SPTBN4: variants seen among roughly 807,000 people sequenced by gnomAD.
SPTBN4 encodes spectrin beta, non-erythrocytic 4, also known as spectrin beta chain, non-erythrocytic 4.
SPTBN4 carries 96 observed loss-of-function variants against 277.8 expected under a neutral mutation model. The ratio of observed to expected loss-of-function variants is 0.35; its 90% CI spans 0.29 to 0.41. The LOEUF (loss-of-function observed/expected upper bound fraction) is 0.41. Ranked by LOEUF, SPTBN4 falls within the 10% of genes least tolerant of loss-of-function variation. The pLI, the probability that SPTBN4 is intolerant of heterozygous loss-of-function variation, is 1.00. For synonymous variants in SPTBN4, 1,481 were observed against 1,580.3 expected (o/e 0.94, Z 1.49); for missense variants, 3,006 against 3,595.7 (o/e 0.84, Z 4.19).
intron 31 of SPTBN4, 104 bp from the exon 32 acceptor site, chr19:40,569,553 C>T: frequency 1.7e-6 from 2 of 1,174,474 alleles, no homozygotes; most frequent in South Asian, 1.4e-5. Flanking sequence ...GGGCAGGGGC[C>T]TGGCACTTCC....
intron 24 of SPTBN4, 47 bp from the exon 25 acceptor site, chr19:40,556,037 C>A: frequency 6.4e-7 from 1 of 1,552,104 alleles, no homozygotes; most frequent in South Asian, 1.2e-5. Context: ...ACGCTCTGCC[C>A]CAGAAGTCTC....
intron 24 of SPTBN4, chr19:40,555,156 T>A (rs1046499619): frequency 1.3e-5 from 2 of 151,474 alleles, no homozygotes; most frequent in African/African-American, 4.9e-5. Context: ...GGGCTAGAGG[T>A]GGGATGCATT....
intron 2 of SPTBN4, among the ~76,000 whole-genome samples, chr19:40,472,991 C>A (rs1454042288): frequency 6.6e-6 from 1 of 152,110 alleles, no homozygotes; most frequent in African/African-American, 2.4e-5. Flanking sequence ...GAAATGTGGC[C>A]AGTGCTATGT....
At chr19:40,538,915 AG>A (rs1186790053) in intron 20 of SPTBN4, among the ~76,000 whole-genome samples, 1 of 151,878 alleles carries the variant, frequency 6.6e-6, no homozygotes, top group Non-Finnish European at 1.5e-5. Flanking sequence ...TATTTGAACA[AG>A]GGACCTTGTG....
chr19:40,479,675 C>T (rs1599712256), intron 2 of SPTBN4, among the ~76,000 whole-genome samples: 2 of 126,682 alleles, frequency 1.6e-5, no homozygotes, highest in Non-Finnish European at 3.2e-5. Context: ...AATGAGTAAG[C>T]ATATATATAT....
At position 40,534,059 on chromosome 19, in the gene SPTBN4, C is replaced by T. The variant is rs774993245; in HGVS notation, c.4096-21C>T. ...ATCTATCTATCTTCTCCATCTCCTGCCATCCACCCACTTGGGGCAGGAGGG... is the reference window on the plus strand; with the variant it reads ...ATCTATCTATCTTCTCCATCTCCTGTCATCCACCCACTTGGGGCAGGAGGG... On this transcript the variant is annotated intron_variant, in intron 19 of 35. Transcript: ENST00000598249. 2.5e-6 allele frequency: 4 copies of T among 1,587,256 alleles called. No homozygotes were observed. The Admixed American group carries it at 6.9e-5, about 27-fold the overall frequency.
intron 35 of SPTBN4, among the ~76,000 whole-genome samples, chr19:40,572,959 GAAAAT>G (rs1421375451): frequency 1.3e-5 from 2 of 151,874 alleles, no homozygotes; most frequent in Non-Finnish European, 2.9e-5. Flanking sequence ...GACTTCCTTC[GAAAAT>G]AAAATAAAAA....
At chr19:40,494,248 C>G (rs1192353181) in intron 5 of SPTBN4, among the ~76,000 whole-genome samples, 1 of 152,094 alleles carries the variant, frequency 6.6e-6, no homozygotes, top group African/African-American at 2.4e-5. Context: ...CCATCTGTTT[C>G]TCCATGTGTC....
intron 7 of SPTBN4, among the ~76,000 whole-genome samples, chr19:40,498,736 C>T (rs1039508088): frequency 1.3e-5 from 2 of 151,774 alleles, no homozygotes; most frequent in African/African-American, 4.8e-5. Flanking sequence ...GGGTCTGGCT[C>T]TGTTGCCCAG....
At chr19:40,572,297 C>T in intron 34 of SPTBN4, 41 bp from the exon 35 acceptor site, 4 of 1,612,416 alleles carry the variant, frequency 2.5e-6, no homozygotes, top group Non-Finnish European at 3.4e-6. Context: ...TGGGCTGGGC[C>T]CCTTCCCCAG....
chr19:40,505,999 A>G (rs963766785), intron 12 of SPTBN4, among the ~76,000 whole-genome samples: 13 of 152,286 alleles, frequency 8.5e-5, no homozygotes, highest in African/African-American at 3.1e-4. Flanking sequence ...ACAGAACACC[A>G]TGGCTAGCTG....
chr19:40,500,813 C>T (rs946092261), intron 7 of SPTBN4, among the ~76,000 whole-genome samples: 1 of 150,890 alleles, frequency 6.6e-6, no homozygotes, highest in African/African-American at 2.4e-5. Flanking sequence ...CGCCATTGCA[C>T]TCCAGCCTGG....
Position 40,532,681 on chromosome 19 carries a change from C to A in SPTBN4, c.4005C>A (p.Asp1335Glu). The change falls in exon 19 of 36, where the codon GAC becomes GAA. Residue 1335 changes from aspartate to glutamate, a missense_variant. Around this residue, in one of 5 missense-constraint regions of SPTBN4, gnomAD observed 1,759 missense variants for 2,061.5 expected, o/e 0.85. Transcript: ENST00000598249. Reference sequence around the variant, plus strand: ...TGGCGCGGGATGGCACGCGGGAGGACAACCACAAGCTGCATAAGAGATGGC... The same window carrying A: ...TGGCGCGGGATGGCACGCGGGAGGAAAACCACAAGCTGCATAAGAGATGGC... Reference protein sequence around the residue: ...MLMARDGTREDNHKLHKRWLR... With the variant: ...MLMARDGTREENHKLHKRWLR... The A allele has an allele frequency of 6.2e-7, 1 of 1,613,548 alleles. No individual in the cohort carries two copies. Among genetic ancestry groups the A allele is most frequent in the Middle Eastern group, 1.7e-4 (1 of 6,058 alleles).
chr19:40,532,512 T>C, intron 18 of SPTBN4, 113 bp from the exon 19 acceptor site: 1 of 1,366,410 alleles, frequency 7.3e-7, no homozygotes. Flanking sequence ...TTCCTATTCC[T>C]TCCACCCATA....
Position 40,502,196 on chromosome 19 carries a change from GGCCTGGATCCACC to G in SPTBN4, c.969_981del (p.Trp324ProfsTer14). 1 of 1,614,058 alleles carries G rather than the reference GGCCTGGATCCACC, an allele frequency of 6.2e-7. No homozygotes were observed. The highest frequency in any genetic ancestry group is 8.5e-7 in the Non-Finnish European group (1 of 1,180,028). On this transcript the variant is annotated frameshift_variant, in exon 9 of 36. Transcript: ENST00000598249. LOFTEE classifies it high-confidence loss of function. This position sits in a 1 kb window ranked among gnomAD's most constrained non-coding sequence, Gnocchi z 4.9. ...ACGAGGAGCTGGCGGCTGAGCTGCT[GGCCTGGATCCACC>G]GCACCGTGGGCCTCATCAGCAATCA...
intron 12 of SPTBN4, 92 bp from the exon 13 acceptor site, chr19:40,506,144 G>A: frequency 2.0e-6 from 3 of 1,485,578 alleles, no homozygotes; most frequent in Non-Finnish European, 1.8e-6. Context: ...GAGTGATGGT[G>A]CAGAGTAGCA....
chr19:40,513,332 T>G lies in SPTBN4; in HGVS notation c.2543T>G (p.Leu848Arg). The change falls in exon 14 of 36, where the codon CTG (leucine) becomes CGG (arginine). Residue 848 changes from leucine to arginine, a missense_variant. Around this residue, in one of 5 missense-constraint regions of SPTBN4, gnomAD observed 1,759 missense variants for 2,061.5 expected, o/e 0.85. Transcript: ENST00000598249. ...GGGGGTGCCAGTGGCGCAGGGCCAC[T>G]GGTGGTGGCGCTGCAGGTGCGCGTG... ...TLGGASGAGP[L>R]VVALQVRVVE... 6 of 1,583,540 alleles carry G rather than the reference T, an allele frequency of 3.8e-6. No individual in the cohort carries two copies. The highest frequency in any genetic ancestry group is 5.1e-6 in the Non-Finnish European group (6 of 1,167,574).
chr19:40,571,950 A>G, intron 33 of SPTBN4, 69 bp from the exon 34 acceptor site: 1 of 1,475,094 alleles, frequency 6.8e-7, no homozygotes, highest in Non-Finnish European at 9.0e-7. Context: ...TCAGACCTTG[A>G]GGATGTTAAT....
chr19:40,547,602 C>T (rs2080872477), intron 20 of SPTBN4, among the ~76,000 whole-genome samples: 1 of 152,196 alleles, frequency 6.6e-6, no homozygotes, highest in East Asian at 1.9e-4. Context: ...GAGGAATCGC[C>T]ACACTGTCTT....
Sources: gnomAD v4.1 joint callset for allele counts (sites outside exome capture counted in the v4.1 genomes callset) on GRCh38, gnomAD v4.1.1 for gene constraint, gnomAD v4.1.1 regional missense constraint, Gnocchi (gnomAD v3.1) non-coding constraint, MANE v1.5 for transcripts, NCBI Gene and HGNC (gene_info 2026-07-23, HGNC 2026-07-21) for gene names.